MAST2: variants seen among roughly 807,000 people sequenced by gnomAD.
MAST2 encodes the protein microtubule-associated serine/threonine-protein kinase 2.
Under a neutral mutation model 147.4 loss-of-function variants are expected in MAST2, and 70 were observed. That is an observed-to-expected ratio of 0.47 (90% CI 0.39 to 0.58). The LOEUF (loss-of-function observed/expected upper bound fraction) is 0.58, where lower values mean the gene tolerates loss of function less well. Among genes scored for constraint, MAST2 ranks in the 20% least tolerant of loss-of-function variants. MAST2 has a pLI of 0.00. For missense variants in MAST2, 2,080 were observed against 2,302.3 expected (o/e 0.90, Z 1.98); for synonymous variants, 869 against 896.8 (o/e 0.97, Z 0.55).
At chr1:45,981,986 A>G (rs1389872906) in intron 5 of MAST2, among the ~76,000 whole-genome samples, 1 of 151,968 alleles carries the variant, frequency 6.6e-6, no homozygotes, top group Non-Finnish European at 1.5e-5. Context: ...AGCTGGGATT[A>G]CAGGTGCACA....
At chr1:45,851,388 C>A (rs948946437) in intron 3 of MAST2, among the ~76,000 whole-genome samples, 1 of 152,030 alleles carries the variant, frequency 6.6e-6, no homozygotes, top group Admixed American at 6.5e-5. Context: ...TAGGGTTTTC[C>A]AGGTATAAAA....
At chr1:46,033,360 AC>A (rs1433765186) in intron 26 of MAST2, among the ~76,000 whole-genome samples, 1 of 151,624 alleles carries the variant, frequency 6.6e-6, no homozygotes, top group African/African-American at 2.4e-5. Context: ...AAGTGCTTGA[AC>A]CCAGGAGGCA....
chr1:46,006,208 T>G (rs1557463464), intron 7 of MAST2, 33 bp from the exon 8 acceptor site: 4 of 1,594,994 alleles, frequency 2.5e-6, no homozygotes, highest in Non-Finnish European at 3.4e-6. Flanking sequence ...GGGACATGTC[T>G]TTAATGCCAC....
At chr1:45,948,430 G>A (rs993053084) in intron 4 of MAST2, among the ~76,000 whole-genome samples, 3 of 151,980 alleles carry the variant, frequency 2.0e-5, no homozygotes, top group East Asian at 1.9e-4. Flanking sequence ...GAACCGGGCC[G>A]GGTGCGGTGG....
Position 46,030,247 on chromosome 1 carries a change from G to C in MAST2, c.2553+9G>C. ...CTCCAAGGTTCAACAAGGTGTGACT[G>C]AGGAGGCCCAGAATGGGCAGAACAG... On this transcript the variant is annotated intron_variant, in intron 21 of 28. Coordinates refer to ENST00000361297, the MANE Select transcript of MAST2 (RefSeq NM_015112.3). The C allele has an allele frequency of 6.2e-7, 1 of 1,613,078 alleles. No homozygotes were observed. Among genetic ancestry groups the C allele is most frequent in the Non-Finnish European group, 8.5e-7 (1 of 1,179,270 alleles).
chr1:45,979,525 G>A (rs934190484), intron 5 of MAST2, among the ~76,000 whole-genome samples: 3 of 151,600 alleles, frequency 2.0e-5, no homozygotes, highest in African/African-American at 4.8e-5. Flanking sequence ...AGCTAGAACC[G>A]TGAATGTAAG....
At chr1:45,814,530 T>C (rs558830897) in intron 1 of MAST2, among the ~76,000 whole-genome samples, 99 of 152,366 alleles carry the variant, frequency 6.5e-4, no homozygotes, top group South Asian at 1.5e-3. Flanking sequence ...GAAAATATTT[T>C]GTATAATGTA....
chr1:45,865,239 A>G (rs1646105980), intron 3 of MAST2: 2 of 394,558 alleles, frequency 5.1e-6, no homozygotes, highest in Admixed American at 3.0e-5. Flanking sequence ...CATTTGAGGT[A>G]GGAGGCAGAG....
At chr1:45,908,231 A>T (rs1651097948) in intron 4 of MAST2, among the ~76,000 whole-genome samples, 1 of 151,922 alleles carries the variant, frequency 6.6e-6, no homozygotes, top group Admixed American at 6.6e-5. Context: ...AAGTTCTGGG[A>T]TACATGTGCA....
intron 6 of MAST2, among the ~76,000 whole-genome samples, chr1:46,001,152 A>G (rs1355039784): frequency 6.6e-6 from 1 of 152,146 alleles, no homozygotes; most frequent in African/African-American, 2.4e-5. Flanking sequence ...ATCTCCCTCT[A>G]CCTGCTGGAA....
intron 3 of MAST2, among the ~76,000 whole-genome samples, chr1:45,875,261 C>T (rs1646555653): frequency 1.3e-5 from 2 of 152,282 alleles, no homozygotes; most frequent in African/African-American, 4.8e-5. Context: ...GCCTTACCAA[C>T]ATGGGGAAAC....
intron 10 of MAST2, among the ~76,000 whole-genome samples, chr1:46,017,442 T>C (rs1645999165): frequency 1.3e-5 from 2 of 152,148 alleles, no homozygotes; most frequent in African/African-American, 4.8e-5. Flanking sequence ...AAAGGGCTAA[T>C]ATCCAGAATC....
At chr1:46,022,118 A>G (rs938794574) in intron 12 of MAST2, 36 bp downstream of exon 12, 2 of 1,611,006 alleles carry the variant, frequency 1.2e-6, no homozygotes, top group Non-Finnish European at 1.7e-6. Flanking sequence ...AAGAGGCCCC[A>G]CTGCTGCTGG....
chr1:45,825,118 C>G (rs1462435788), intron 2 of MAST2, among the ~76,000 whole-genome samples: 2 of 151,830 alleles, frequency 1.3e-5, no homozygotes, highest in African/African-American at 2.4e-5. Context: ...CTCCGCCTCC[C>G]GGATTCATGC....
chr1:46,027,443 C>G (rs1039171429), intron 16 of MAST2, among the ~76,000 whole-genome samples: 4 of 152,180 alleles, frequency 2.6e-5, no homozygotes, highest in African/African-American at 9.7e-5. Context: ...CTCTGTTCCT[C>G]AACTGAATGA....
intron 5 of MAST2, among the ~76,000 whole-genome samples, chr1:45,964,790 A>G (rs941043752): frequency 5.9e-5 from 9 of 151,896 alleles, no homozygotes; most frequent in Non-Finnish European, 5.9e-5. Flanking sequence ...TTGCTTTTCT[A>G]GTTCTTTTAA....
At chr1:45,968,467 C>T (rs953261351) in intron 5 of MAST2, among the ~76,000 whole-genome samples, 1 of 132,172 alleles carries the variant, frequency 7.6e-6, no homozygotes, top group African/African-American at 3.0e-5. Flanking sequence ...AGGTTGCTTG[C>T]TTGGTTTTTT....
At chr1:45,829,250 A>G (rs1360458212) in intron 2 of MAST2, among the ~76,000 whole-genome samples, 189 bp from the exon 3 acceptor site, 4 of 152,194 alleles carry the variant, frequency 2.6e-5, no homozygotes, top group Non-Finnish European at 5.9e-5. Context: ...ACTTGCCATT[A>G]TCATCACCAC....
At chr1:45,907,793 A>G (rs1651018939) in intron 4 of MAST2, among the ~76,000 whole-genome samples, 2 of 152,124 alleles carry the variant, frequency 1.3e-5, no homozygotes, top group Non-Finnish European at 2.9e-5. Context: ...TCTTCTAAAT[A>G]CTTCATATCA....
Sources: allele counts gnomAD v4.1 joint callset (sites outside exome capture counted in the v4.1 genomes callset), GRCh38; gene constraint gnomAD v4.1.1; transcripts MANE v1.5; gene names NCBI Gene and HGNC (gene_info 2026-07-23, HGNC 2026-07-21).